The following HELLS variants were observed in gnomAD, a reference collection of about 807,000 sequenced individuals.
The protein encoded by HELLS is lymphoid-specific helicase.
HELLS carries 32 observed loss-of-function variants against 120.0 expected under a neutral mutation model. The ratio of observed to expected loss-of-function variants is 0.27; its 90% confidence interval spans 0.20 to 0.36. The LOEUF is 0.36. HELLS is among the 10% of genes least tolerant of loss of function. The pLI is 1.00. For missense variants in HELLS, 650 were observed against 993.4 expected, an observed-to-expected ratio of 0.65 and a Z score of 4.65; for synonymous variants, 341 against 323.4, an observed-to-expected ratio of 1.05 and a Z score of -0.58.
chr10:94,580,024 GTGGAAGTGAC>G (rs1192799682), intron 10 of HELLS, among the ~76,000 whole-genome samples: 1 of 150,496 alleles, frequency 6.6e-6, no homozygotes, highest in African/African-American at 2.4e-5. Flanking sequence ...CTGAGTGCGA[GTGGAAGTGAC>G]TGAGTTCACT....
chr10:94,590,560 T>A lies in HELLS; in HGVS notation c.1628+8T>A. 6.2e-7 allele frequency: 1 copy of A among 1,610,836 alleles called. No homozygotes were observed. The highest frequency in any genetic ancestry group is 8.5e-7 in the Non-Finnish European group (1 of 1,179,418). ...AGAGGTGGACCGAGAAAGGTTTGAATTCAAAAGTGAATTTAAGTATTCTTT... is the reference window on the plus strand; with the variant it reads ...AGAGGTGGACCGAGAAAGGTTTGAAATCAAAAGTGAATTTAAGTATTCTTT... On this transcript the variant is annotated splice_region_variant and intron_variant, in intron 14 of 21. Transcript: ENST00000348459.
chr10:94,607,900 G>GT (rs1846144898), intron 8 of HELLS: 1 of 425,830 alleles, frequency 2.3e-6, no homozygotes, highest in Non-Finnish European at 4.7e-6. Context: ...ACTGATTTTT[G>GT]TATTTTTAGT....
intron 2 of HELLS, 50 bp downstream of exon 2, chr10:94,546,548 C>CT: frequency 6.2e-7 from 1 of 1,610,052 alleles, no homozygotes; most frequent in Non-Finnish European, 8.5e-7. Context: ...GTAACCTCGG[C>CT]TTTAACCCGG....
chr10:94,579,002 A>G (rs1184017332), intron 10 of HELLS, among the ~76,000 whole-genome samples: 1 of 152,132 alleles, frequency 6.6e-6, no homozygotes, highest in Non-Finnish European at 1.5e-5. Flanking sequence ...TCCCTCGCTC[A>G]CAGCTGCTTA....
In HELLS at chr10:94,558,189, TA is replaced by T; in HGVS notation, c.332del (p.Lys111ArgfsTer15). 6.4e-7 allele frequency: 1 copy of T among 1,564,468 alleles called. No individual in the cohort carries two copies. Among genetic ancestry groups the T allele is most frequent in the Admixed American group, 2.1e-5 (1 of 47,834 alleles). ...LERKKESLKV[K>X]KGKNSIDASE... is the part of the protein sequence containing the mutation. ...AGAGAAAAAAGGAGTCTTTAAAAGT[TA>T]AAAAGGTAATATAGCCAGCCGGAAT... On this transcript the variant is annotated frameshift_variant, in exon 4 of 22. Transcript: ENST00000348459. LOFTEE classifies it high-confidence loss of function.
rs1336748121 is a variant in HELLS, at chr10:94,592,235, G to A, written c.1774G>A (p.Glu592Lys). ...TCCTTTGCCCCTCCTTAAGATCGATGAAGAATTGGTAACAAATTCTGGGAA... is the reference window on the plus strand; with the variant it reads ...TCCTTTGCCCCTCCTTAAGATCGATAAAGAATTGGTAACAAATTCTGGGAA... ...DPVTQEFKID[E>K]ELVTNSGKFL... is the part of the protein sequence containing the mutation. Residue 592 changes from glutamate to lysine, a missense_variant, in exon 16 of 22, where the codon GAA becomes AAA. By Grantham distance (56) the Glu-to-Lys change is moderately conservative. Around this residue, in one of 9 missense-constraint regions of HELLS, gnomAD observed 191 missense variants for 259.7 expected, o/e 0.74. Coordinates refer to ENST00000348459, the MANE Select transcript of HELLS (RefSeq NM_018063.5). 6.2e-7 allele frequency: 1 copy of A among 1,607,668 alleles called. No individual in the cohort carries two copies. Among genetic ancestry groups the A allele is most frequent in the Non-Finnish European group, 8.5e-7 (1 of 1,176,228 alleles).
Position 94,607,984 on chromosome 10 carries a change from C to T in HELLS, c.892C>T (p.Gln298Ter), listed in dbSNP as rs1199875091. 1 of 401,796 alleles carries T rather than the reference C, an allele frequency of 2.5e-6. No homozygotes were observed. Among genetic ancestry groups the T allele is most frequent in the South Asian group, 1.8e-5 (1 of 56,066 alleles). 24.9% of individuals were successfully genotyped at this position (401,796 alleles called of 1,614,324 possible). Residue 298 changes from glutamine to a stop codon, truncating the protein, a stop_gained, in exon 9 of 10, where the codon CAA (glutamine) becomes TAA (stop). Coordinates refer to the HELLS transcript ENST00000371327. LOFTEE classifies it high-confidence loss of function. ...AGGTGATCTGCCCACCTCGGCCTCC[C>T]AAAGTGCTGGGATTACAAGCGTGAG...
chr10:94,613,558 T>C (rs753995556), exon 10 of HELLS: 1 of 152,234 alleles, frequency 6.6e-6, no homozygotes, highest in Non-Finnish European at 1.5e-5. Context: ...TATTAGACTT[T>C]TCTCATAAGT....
At chr10:94,554,297 A>T (rs769954148) in intron 3 of HELLS, 49 bp downstream of exon 3, 4 of 1,382,282 alleles carry the variant, frequency 2.9e-6, no homozygotes, top group Non-Finnish European at 2.9e-6. Flanking sequence ...AAATTTAAAA[A>T]TAGCTTTATT....
At chr10:94,595,138 G>T (rs1185860675) in intron 19 of HELLS, among the ~76,000 whole-genome samples, 1 of 152,082 alleles carries the variant, frequency 6.6e-6, no homozygotes, top group Admixed American at 6.5e-5. Flanking sequence ...TGAGGCAGGA[G>T]AATCGCTTGA....
intron 10 of HELLS, among the ~76,000 whole-genome samples, chr10:94,578,681 A>T (rs567184363): frequency 1.2e-4 from 18 of 152,286 alleles, no homozygotes; most frequent in Middle Eastern, 3.4e-3. Context: ...ACCAAGTGAG[A>T]CTGTGTCTCA....
At chr10:94,577,732 C>CTA (rs1429826044) in intron 10 of HELLS, 2 of 152,304 alleles carry the variant, frequency 1.3e-5, no homozygotes, top group Non-Finnish European at 2.9e-5. Flanking sequence ...TCCAGACCAG[C>CTA]CTGGCCAACA....
intron 15 of HELLS, among the ~76,000 whole-genome samples, chr10:94,591,866 A>G (rs1028387619): frequency 2.6e-5 from 4 of 152,236 alleles, no homozygotes; most frequent in African/African-American, 9.6e-5. Context: ...TCTGGTAAGA[A>G]TTCTAGCAGT....
intron 15 of HELLS, among the ~76,000 whole-genome samples, chr10:94,591,501 A>G (rs1324356180): frequency 1.3e-5 from 2 of 152,330 alleles, no homozygotes; most frequent in African/African-American, 2.4e-5. Flanking sequence ...ACTCCTGGCA[A>G]TATTGACATT....
Position 94,590,767 on chromosome 10 carries a change from A to G in HELLS, c.1758A>G (p.Gln586=). Residue 586 remains glutamine (Q), a synonymous_variant, in exon 15 of 22, where the codon CAA becomes CAG. Coordinates refer to ENST00000348459, the MANE Select transcript of HELLS (RefSeq NM_018063.5). ...AATATCCTATAGACCCTGTTACACAAGAATTTAAGGTGAATACTGTTTAAT... is the reference window on the plus strand; with the variant it reads ...AATATCCTATAGACCCTGTTACACAGGAATTTAAGGTGAATACTGTTTAAT... ...LIEYPIDPVT[Q]EFKIDEELVT... is the part of the protein sequence containing the mutation. 1 of 1,515,476 alleles carries G rather than the reference A, an allele frequency of 6.6e-7. No individual in the cohort carries two copies. The highest frequency in any genetic ancestry group is 9.0e-7 in the Non-Finnish European group (1 of 1,106,922). The allele number at this position is 1,515,476 out of a possible 1,614,324, so 93.9% of individuals were successfully genotyped here.
At chr10:94,608,690 T>A (rs904065899) in intron 9 of HELLS, among the ~76,000 whole-genome samples, 4 of 151,866 alleles carry the variant, frequency 2.6e-5, no homozygotes, top group African/African-American at 9.7e-5. Flanking sequence ...GTGATTATAA[T>A]TCACTGCAGC....
At chr10:94,603,340 A>G (rs1190337412), downstream of HELLS, among the ~76,000 whole-genome samples, 2 of 152,140 alleles carry the variant, frequency 1.3e-5, no homozygotes, top group African/African-American at 2.4e-5. Flanking sequence ...TACTTGATCT[A>G]TTAGCAGCAT....
At chr10:94,605,245 G>A (rs1236877655), downstream of HELLS, among the ~76,000 whole-genome samples, 1 of 151,844 alleles carries the variant, frequency 6.6e-6, no homozygotes, top group Non-Finnish European at 1.5e-5. Flanking sequence ...ACCATGCCCA[G>A]CTAATTTTTG....
At chr10:94,573,453 ATATTTTATTT>A (rs72368124) in intron 7 of HELLS, among the ~76,000 whole-genome samples, 46 of 149,890 alleles carry the variant, frequency 3.1e-4, no homozygotes, top group African/African-American at 4.6e-4. Context: ...TCAGATTTTT[ATATTTTATTT>A]TATTTTATTT....
Sources: gnomAD v4.1 joint callset for allele counts (sites outside exome capture counted in the v4.1 genomes callset) on GRCh38, gnomAD v4.1.1 for gene constraint, gnomAD v4.1.1 regional missense constraint, MANE v1.5 for transcripts, NCBI Gene and HGNC (gene_info 2026-07-23, HGNC 2026-07-21) for gene names.